The following TCF7L1 variants were observed in gnomAD, a reference collection of about 807,000 sequenced individuals.
The protein encoded by TCF7L1 is transcription factor 7-like 1.
In TCF7L1, 18 loss-of-function variants were observed where a neutral mutation model predicts 63.7. The ratio of observed to expected loss-of-function variants is 0.28; its 90% CI spans 0.20 to 0.42. TCF7L1 has a LOEUF of 0.42. Among genes scored for constraint, TCF7L1 ranks in the 10% least tolerant of loss-of-function variants. TCF7L1 has a pLI of 1.00. For synonymous variants in TCF7L1, 355 were observed against 340.9 expected, an observed-to-expected ratio of 1.04 and a Z score of -0.46; for missense variants, 654 against 779.3, an observed-to-expected ratio of 0.84 and a Z score of 1.91.
chr2:85,297,602 GA>G (rs1267528012), intron 4 of TCF7L1, among the ~76,000 whole-genome samples: 1 of 152,176 alleles, frequency 6.6e-6, no homozygotes, highest in African/African-American at 2.4e-5. Flanking sequence ...CAGACAGGCA[GA>G]TTGCTTAGTC....
intron 3 of TCF7L1, among the ~76,000 whole-genome samples, chr2:85,156,153 C>T (rs887361510): frequency 3.3e-5 from 5 of 152,156 alleles, no homozygotes; most frequent in Non-Finnish European, 4.4e-5. Context: ...GTTCCGTCTT[C>T]GTGATAATTG....
At chr2:85,267,330 C>CAAAAAAAA (rs1217663362) in intron 3 of TCF7L1, among the ~76,000 whole-genome samples, 1 of 44,178 alleles carries the variant, frequency 2.3e-5, no homozygotes, top group Non-Finnish European at 4.5e-5. Flanking sequence ...GGCTCTGTCT[C>CAAAAAAAA]AAAAAAAAAA....
chr2:85,162,619 G>C (rs2104222586), intron 3 of TCF7L1, among the ~76,000 whole-genome samples: 1 of 152,292 alleles, frequency 6.6e-6, no homozygotes, highest in Admixed American at 6.5e-5. Context: ...AGACATTCTT[G>C]TTTCTCCTTT....
intron 3 of TCF7L1, among the ~76,000 whole-genome samples, chr2:85,268,983 C>A (rs1201688779): frequency 6.6e-6 from 1 of 151,690 alleles, no homozygotes; most frequent in Admixed American, 6.6e-5. Context: ...GGCTAGATGA[C>A]AAAGTGAGGA....
At chr2:85,172,788 G>C (rs1678578918) in intron 3 of TCF7L1, among the ~76,000 whole-genome samples, 1 of 151,956 alleles carries the variant, frequency 6.6e-6, no homozygotes, top group Non-Finnish European at 1.5e-5. Flanking sequence ...CCCTCCTTTA[G>C]TTTAACCGTC....
intron 3 of TCF7L1, among the ~76,000 whole-genome samples, chr2:85,269,820 A>G (rs985871882): frequency 1.3e-5 from 2 of 152,202 alleles, no homozygotes; most frequent in African/African-American, 2.4e-5. Context: ...TGTAAGCCAC[A>G]TGTGCACCCA....
chr2:85,306,716 A>G lies in TCF7L1; in HGVS notation c.1257+157A>G, dbSNP rs1438066549. Among the ~76,000 whole-genome samples, 2 of 152,136 alleles carry G rather than the reference A, an allele frequency of 1.3e-5. No homozygotes were observed. The highest frequency in any genetic ancestry group is 2.1e-4 in the South Asian group (1 of 4,826). ...CACCCTGTCACCCAGGCTGGAGTGC[A>G]TGCAGTGGCGCGATCTCGGCTCACT... On this transcript the variant is annotated intron_variant, in intron 10 of 11. Transcript: ENST00000282111. The surrounding 1 kb of genome is among the most constrained non-coding windows in gnomAD (Gnocchi z 4.3).
At chr2:85,304,464 T>C (rs1682057757) in intron 7 of TCF7L1, 126 bp downstream of exon 7, 2 of 906,340 alleles carry the variant, frequency 2.2e-6, no homozygotes, top group Non-Finnish European at 3.3e-6. Flanking sequence ...CACCTCTCTT[T>C]GATCAAGCAT....
chr2:85,166,683 A>T (rs1678426623), intron 3 of TCF7L1, among the ~76,000 whole-genome samples: 1 of 152,166 alleles, frequency 6.6e-6, no homozygotes, highest in African/African-American at 2.4e-5. Context: ...ACCACAGTAG[A>T]TGGGAAGGCA....
chr2:85,257,831 C>T (rs910116741), intron 3 of TCF7L1, among the ~76,000 whole-genome samples: 1 of 152,198 alleles, frequency 6.6e-6, no homozygotes, highest in African/African-American at 2.4e-5. Flanking sequence ...TGCCCCCTCC[C>T]GCCACGTAGT....
intron 3 of TCF7L1, among the ~76,000 whole-genome samples, chr2:85,194,251 GGAGT>G (rs946950600): frequency 7.2e-5 from 11 of 152,346 alleles, no homozygotes; most frequent in African/African-American, 2.6e-4. Flanking sequence ...ACAGAATTCA[GGAGT>G]GGTGGCTCAC....
In TCF7L1 at chr2:85,305,287, C is replaced by T; in HGVS notation, c.873C>T (p.His291=). 2 of 1,614,110 alleles carry T rather than the reference C, an allele frequency of 1.2e-6. No individual in the cohort carries two copies. The highest frequency in any genetic ancestry group is 1.7e-6 in the Non-Finnish European group (2 of 1,180,020). Residue 291 remains histidine, a synonymous_variant, in exon 8 of 12, where the codon CAC becomes CAT. Transcript: ENST00000282111. ...TGGTCTCCAGTCGGTTCTCTCCTCA[C>T]ATGGTGGCTCCTGCCCACCCTGGCC... The part of the protein sequence containing the change: ...SSLVSSRFSP[H]MVAPAHPGLP...
At chr2:85,192,691 CT>C (rs58826165) in intron 3 of TCF7L1, among the ~76,000 whole-genome samples, 2,448 of 134,052 alleles carry the variant, frequency 0.018, 53 homozygotes, top group African/African-American at 0.054. Context: ...CCTAACTAAT[CT>C]TTTTTTTTTT....
chr2:85,204,291 T>TCAC (rs1679342030), intron 3 of TCF7L1, among the ~76,000 whole-genome samples: 1 of 22,022 alleles, frequency 4.5e-5, no homozygotes, highest in Non-Finnish European at 8.8e-5. Flanking sequence ...ATAACTTGCT[T>TCAC]CCCCCCCCCC....
intron 3 of TCF7L1, among the ~76,000 whole-genome samples, chr2:85,219,709 A>G (rs1679801654): frequency 6.6e-6 from 1 of 152,192 alleles, no homozygotes; most frequent in African/African-American, 2.4e-5. Context: ...GTGAGACCTC[A>G]TCTCTTTGAA....
Position 85,309,703 on chromosome 2 carries a change from C to T in TCF7L1, c.*241C>T, listed in dbSNP as rs1028828515. ...TATAAGAAAGAGAACTGAAAAGTAG[C>T]GTGCTATTCGTCCTGTAGGTGCTGT... is the stretch of plus-strand genomic sequence containing the variant. On this transcript the variant is annotated 3_prime_UTR_variant, in exon 12 of 12. Transcript: ENST00000282111. 7 of 434,604 alleles carry T rather than the reference C, an allele frequency of 1.6e-5. No individual in the cohort carries two copies. The highest frequency in any genetic ancestry group is 7.9e-5 in the Admixed American group (2 of 25,420). 26.9% of individuals were successfully genotyped at this position (434,604 alleles called of 1,614,324 possible). A position where few individuals can be genotyped will look rare whatever the true frequency, so the allele number is the denominator to read the frequency against.
chr2:85,194,988 G>A (rs376368026), intron 3 of TCF7L1, among the ~76,000 whole-genome samples: 40 of 152,332 alleles, frequency 2.6e-4, no homozygotes, highest in African/African-American at 9.4e-4. Context: ...CCACCCCCCA[G>A]TCCCACCCCC....
intron 3 of TCF7L1, among the ~76,000 whole-genome samples, chr2:85,282,796 G>GTGTGTT (rs1413407835): frequency 1.3e-5 from 1 of 78,132 alleles, no homozygotes; most frequent in African/African-American, 4.5e-5. Flanking sequence ...GAGAGAGATT[G>GTGTGTT]TGTGTGTGTG....
chr2:85,261,275 G>A (rs541328086), intron 3 of TCF7L1, among the ~76,000 whole-genome samples: 6 of 152,148 alleles, frequency 3.9e-5, no homozygotes, highest in Admixed American at 6.5e-5. Context: ...AACAAGGCCC[G>A]TAGGCCTGTA....
Sources: allele counts gnomAD v4.1 joint callset (sites outside exome capture counted in the v4.1 genomes callset), GRCh38; gene constraint gnomAD v4.1.1; non-coding constraint Gnocchi (gnomAD v3.1); transcripts MANE v1.5; gene names NCBI Gene and HGNC (gene_info 2026-07-23, HGNC 2026-07-21).